FSTL4: variants seen among roughly 807,000 people sequenced by gnomAD.
The protein encoded by FSTL4 is follistatin-related protein 4.
FSTL4 carries 28 observed loss-of-function variants against 78.2 expected under a neutral mutation model. That is an observed-to-expected ratio of 0.36 (90% CI 0.27 to 0.49). The LOEUF (loss-of-function observed/expected upper bound fraction) is 0.49, where lower values mean the gene tolerates loss of function less well. FSTL4 is among the 20% of genes least tolerant of loss of function. The pLI, the probability that FSTL4 is intolerant of heterozygous loss-of-function variation, is 0.98. For missense variants in FSTL4, 922 were observed against 1,084.9 expected (o/e 0.85, Z 2.11); for synonymous variants, 422 against 440.5 (o/e 0.96, Z 0.53).
chr5:133,258,742 A>T (rs1752442425), intron 6 of FSTL4, among the ~76,000 whole-genome samples: 1 of 152,114 alleles, frequency 6.6e-6, no homozygotes, highest in African/African-American at 2.4e-5. Flanking sequence ...ACTATACTAC[A>T]CTACTGAGAT....
At chr5:133,619,247 C>T in the FSTL4 span, among the ~76,000 whole-genome samples, 7,443 of 152,132 alleles carry the variant, frequency 0.049, 357 homozygotes, top group African/African-American at 0.13. Context: ...ACTTGTGACC[C>T]TGTAAATGGC....
intron 3 of FSTL4, among the ~76,000 whole-genome samples, chr5:133,411,017 G>C (rs1756467591): frequency 6.6e-6 from 1 of 152,154 alleles, no homozygotes; most frequent in East Asian, 1.9e-4. Flanking sequence ...TGAATGCATG[G>C]GTGGGCTGGT....
chr5:133,659,943 G>A, the FSTL4 span, among the ~76,000 whole-genome samples: 1 of 152,190 alleles, frequency 6.6e-6, no homozygotes, highest in African/African-American at 2.4e-5. Flanking sequence ...GAGGGAGAAA[G>A]AGGTCAGCAA....
At chr5:133,378,343 TATAAC>T (rs1755490611) in intron 4 of FSTL4, among the ~76,000 whole-genome samples, 2 of 152,282 alleles carry the variant, frequency 1.3e-5, no homozygotes, top group Admixed American at 6.5e-5. Flanking sequence ...CATACAGAAA[TATAAC>T]ATACTTGAAA....
At chr5:133,471,662 C>T (rs186466487) in intron 3 of FSTL4, among the ~76,000 whole-genome samples, 4 of 152,326 alleles carry the variant, frequency 2.6e-5, no homozygotes, top group Admixed American at 2.0e-4. Context: ...ATCAGCTACC[C>T]AGGCTATGCG....
At chr5:133,370,857 G>GC (rs1219436658) in intron 4 of FSTL4, among the ~76,000 whole-genome samples, 15 of 152,162 alleles carry the variant, frequency 9.9e-5, no homozygotes, top group African/African-American at 3.4e-4. Flanking sequence ...AAGGCAACTG[G>GC]CCCCATGGAG....
intron 6 of FSTL4, among the ~76,000 whole-genome samples, chr5:133,311,614 A>C (rs904793404): frequency 2.0e-5 from 3 of 152,208 alleles, no homozygotes; most frequent in African/African-American, 7.2e-5. Context: ...AACAGCCCAA[A>C]GAGATGTCAC....
the FSTL4 span, among the ~76,000 whole-genome samples, chr5:133,648,529 T>C: frequency 2.6e-5 from 4 of 152,142 alleles, no homozygotes; most frequent in Non-Finnish European, 5.9e-5. Flanking sequence ...AAAGTAGGCA[T>C]TCATCAACCC....
chr5:133,301,038 A>G (rs910880621), intron 6 of FSTL4, among the ~76,000 whole-genome samples: 1 of 152,092 alleles, frequency 6.6e-6, no homozygotes, highest in Non-Finnish European at 1.5e-5. Context: ...GTCTGAAAAC[A>G]CCTGTGGCAC....
chr5:133,682,435 A>G, the FSTL4 span, among the ~76,000 whole-genome samples: 2 of 152,218 alleles, frequency 1.3e-5, no homozygotes, highest in African/African-American at 4.8e-5. Context: ...TAAAGCCCCC[A>G]TGTGTAACCC....
Position 133,400,970 on chromosome 5 carries a change from G to C in FSTL4, c.177C>G (p.Asn59Lys), listed in dbSNP as rs370273827. The change falls in exon 4 of 16, where the codon AAC becomes AAG. Residue 59 changes from asparagine to lysine, a missense_variant. Physicochemically the swap from Asn to Lys is moderately conservative, Grantham distance 94. Transcript: ENST00000265342. ...TCTTCCCGCAGGAGGCCAGCAGCTCGTTGTGGCTGGAAAGCCCTGCCAGAC... is the reference window on the plus strand; with the variant it reads ...TCTTCCCGCAGGAGGCCAGCAGCTCCTTGTGGCTGGAAAGCCCTGCCAGAC... ...VTRREGLSSH[N>K]ELLASCGKKF... The C allele has an allele frequency of 1.6e-4, 251 of 1,613,146 alleles. 2 individuals carry two copies. In the South Asian group the frequency reaches 2.6e-3, roughly 16 times the overall value.
chr5:133,476,574 T>G (rs1283231663), intron 3 of FSTL4, among the ~76,000 whole-genome samples: 1 of 152,206 alleles, frequency 6.6e-6, no homozygotes, highest in Non-Finnish European at 1.5e-5. Context: ...TGGAGAATGG[T>G]TCTGTGAATT....
intron 6 of FSTL4, among the ~76,000 whole-genome samples, chr5:133,251,379 C>CA (rs1484247343): frequency 6.6e-6 from 1 of 152,206 alleles, no homozygotes; most frequent in Non-Finnish European, 1.5e-5. Context: ...GGGGCAACCG[C>CA]ATGTGTCTGG....
chr5:133,664,375 T>A, the FSTL4 span, among the ~76,000 whole-genome samples: 1 of 152,242 alleles, frequency 6.6e-6, no homozygotes, highest in East Asian at 1.9e-4. Flanking sequence ...TGGTTTATAG[T>A]GTCCCAAAAC....
chr5:133,214,752 T>G (rs970793450), intron 13 of FSTL4, among the ~76,000 whole-genome samples: 4 of 152,302 alleles, frequency 2.6e-5, no homozygotes, highest in Admixed American at 1.3e-4. Context: ...GATCTCCACT[T>G]GTGTGCTTTG....
At chr5:133,686,045 A>G in the FSTL4 span, among the ~76,000 whole-genome samples, 2 of 152,226 alleles carry the variant, frequency 1.3e-5, no homozygotes, top group Non-Finnish European at 1.5e-5. Context: ...AGGCGCCCAC[A>G]GGACAGCACA....
At chr5:133,308,597 G>A (rs1753706777) in intron 6 of FSTL4, among the ~76,000 whole-genome samples, 1 of 152,220 alleles carries the variant, frequency 6.6e-6, no homozygotes, top group South Asian at 2.1e-4. Context: ...GGCACTATTA[G>A]TTCCAAAGGA....
chr5:133,335,429 C>T (rs887286866), intron 4 of FSTL4, among the ~76,000 whole-genome samples: 2 of 151,978 alleles, frequency 1.3e-5, no homozygotes, highest in African/African-American at 2.4e-5. Context: ...CAAAAAGAGA[C>T]GTCAAGGGTC....
rs568239015 is a variant in FSTL4 at position 133,416,186 on chromosome 5, A to G, written c.161-15200T>C. The stretch of plus-strand genomic sequence containing the variant: ...CACTTAAAGAATCATGAGATGCATC[A>G]AAAAGGACATAAAAGGCAGTCTGAA... On this transcript the variant is annotated intron_variant, in intron 3 of 15. Coordinates refer to ENST00000265342, the MANE Select transcript of FSTL4 (RefSeq NM_015082.2). Among the ~76,000 whole-genome samples the G allele has an allele frequency of 4.6e-5, 7 of 152,364 alleles. No individual in the cohort carries two copies. The East Asian group carries it at 1.2e-3, about 25-fold the overall frequency.
Sources: gnomAD v4.1 joint callset for allele counts (sites outside exome capture counted in the v4.1 genomes callset) on GRCh38, gnomAD v4.1.1 for gene constraint, MANE v1.5 for transcripts, NCBI Gene and HGNC (gene_info 2026-07-23, HGNC 2026-07-21) for gene names.